CACNA1G: variants seen among roughly 807,000 people sequenced by gnomAD.
CACNA1G encodes calcium voltage-gated channel subunit alpha1 G, also known as voltage-dependent T-type calcium channel subunit alpha-1G.
In CACNA1G, 67 loss-of-function variants were observed where a neutral mutation model predicts 219.4. The ratio of observed to expected loss-of-function variants is 0.31; its 90% CI spans 0.25 to 0.37. The LOEUF (loss-of-function observed/expected upper bound fraction) is 0.37, where lower values mean the gene tolerates loss of function less well. Ranked by LOEUF, CACNA1G falls within the 10% of genes least tolerant of loss-of-function variation. CACNA1G has a pLI of 1.00. For missense variants in CACNA1G, 2,380 were observed against 3,231.4 expected, an observed-to-expected ratio of 0.74 and a Z score of 6.39; for synonymous variants, 1,296 against 1,345.3, an observed-to-expected ratio of 0.96 and a Z score of 0.80.
At chr17:50,620,095 T>G (rs1244525024) in intron 34 of CACNA1G, among the ~76,000 whole-genome samples, 1 of 150,872 alleles carries the variant, frequency 6.6e-6, no homozygotes, top group African/African-American at 2.4e-5. Context: ...GGAGAGGGGA[T>G]TTGTAAGAAT....
chr17:50,617,791 C>A lies in CACNA1G; in HGVS notation c.5156-68C>A. On this transcript the variant is annotated intron_variant, in intron 29 of 37. Coordinates refer to ENST00000359106, the MANE Select transcript of CACNA1G (RefSeq NM_018896.5). The surrounding 1 kb of genome is among the most constrained non-coding windows in gnomAD (Gnocchi z 5.8). ...CCAGCAGCCCCAGCCCAGCCCTGGT[C>A]CTGACTCTGCCAGCTGTCTGGCCGG... is the stretch of plus-strand genomic sequence containing the variant. 1 of 1,571,712 alleles carries A rather than the reference C, an allele frequency of 6.4e-7. No homozygotes were observed. The highest frequency in any genetic ancestry group is 1.1e-5 in the South Asian group (1 of 89,964).
At chr17:50,625,282 C>T (rs1340954810) in intron 37 of CACNA1G, among the ~76,000 whole-genome samples, 1 of 152,212 alleles carries the variant, frequency 6.6e-6, no homozygotes, top group Non-Finnish European at 1.5e-5. Context: ...GGCCACAGCC[C>T]ATGCCATGTG....
rs763932318 is a variant in CACNA1G, at chr17:50,607,022, G to A, written c.4512+33G>A. 6 of 1,530,540 alleles carry A rather than the reference G, an allele frequency of 3.9e-6. No homozygotes were observed. The Admixed American group carries it at 1.0e-4, about 26-fold the overall frequency. The allele number at this position is 1,530,540 out of a possible 1,614,324, so 94.8% of individuals were successfully genotyped here. On this transcript the variant is annotated intron_variant, in intron 24 of 37. Transcript: ENST00000359106. ...TGAGGTGGGCAGGATCCATCTGTGG[G>A]CTCAGGTCACTCAGCATGGGCTGAT...
rs1479671700 is a variant in CACNA1G at position 50,619,774 on chromosome 17, G to A, written c.5873G>A (p.Gly1958Asp). The A allele has an allele frequency of 1.1e-5, 17 of 1,607,482 alleles. No individual in the cohort carries two copies. The highest frequency in any genetic ancestry group is 1.1e-5 in the Non-Finnish European group (13 of 1,178,386). ...ATGGACGAGCTGGCAGGCCCAGGGG[G>A]CCAGCCCTCTGCCTTCCCTTCTGCC... Reference protein sequence around the residue: ...KLMDELAGPGGQPSAFPSAPS... With the variant: ...KLMDELAGPGDQPSAFPSAPS... The change falls in exon 34 of 38, where the codon GGC (glycine) becomes GAC (aspartate). Residue 1958 changes from glycine to aspartate, a missense_variant. This residue lies in a region of CACNA1G where 672 missense variants were observed against 670.5 expected (regional missense o/e 1.00). Coordinates refer to ENST00000359106, the MANE Select transcript of CACNA1G (RefSeq NM_018896.5).
rs765619900 is a variant in CACNA1G at position 50,621,796 on chromosome 17, T to C, written c.6060+2T>C. ...TTACTTAGTGCCCTGGAGAGCAATG[T>C]ACATACACACTGCCCTCACTGCTCC... On this transcript the variant is annotated splice_donor_variant, in intron 35 of 37. Coordinates refer to ENST00000359106, the MANE Select transcript of CACNA1G (RefSeq NM_018896.5). LOFTEE classifies it high-confidence loss of function. The surrounding 1 kb of genome is among the most constrained non-coding windows in gnomAD (Gnocchi z 4.6). 4 of 1,613,582 alleles carry C rather than the reference T, an allele frequency of 2.5e-6. No individual in the cohort carries two copies. The East Asian group carries it at 6.7e-5, about 27-fold the overall frequency.
In CACNA1G at chr17:50,621,327, C is replaced by A. The variant is rs1057443758; in HGVS notation, c.5926-333C>A. 2.6e-5 allele frequency among the ~76,000 whole-genome samples: 4 copies of A among 151,962 alleles called. No individual in the cohort carries two copies. Among genetic ancestry groups the A allele is most frequent in the African/African-American group, 9.7e-5 (4 of 41,370 alleles). On this transcript the variant is annotated intron_variant, in intron 34 of 37. Transcript: ENST00000359106. This position sits in a 1 kb window ranked among gnomAD's most constrained non-coding sequence, Gnocchi z 4.6. ...AAGCCCTCGGTCCTCCCGCTCCCTC[C>A]CTGGGTGGTGGTAGTGTGGGAGGGG...
At chr17:50,599,887 C>T in intron 17 of CACNA1G, 28 bp downstream of exon 17, 1 of 1,592,270 alleles carries the variant, frequency 6.3e-7, no homozygotes, top group East Asian at 2.2e-5. Flanking sequence ...ACAGTGACCC[C>T]TCACCCCTGA....
At chr17:50,579,655 G>A (rs1215619115) in intron 9 of CACNA1G, among the ~76,000 whole-genome samples, 1 of 152,160 alleles carries the variant, frequency 6.6e-6, no homozygotes, top group Non-Finnish European at 1.5e-5. Context: ...CCTCCCTGGG[G>A]TAGCACGGAG....
intron 13 of CACNA1G, among the ~76,000 whole-genome samples, chr17:50,593,684 C>T (rs554868003): frequency 6.6e-6 from 1 of 152,380 alleles, no homozygotes; most frequent in African/African-American, 2.4e-5. Flanking sequence ...CCCTCCCCAA[C>T]CTTCGCAGTA....
At position 50,600,997 on chromosome 17, in the gene CACNA1G, C is replaced by T. The variant is rs542105184; in HGVS notation, c.3792-54C>T. 8 of 1,600,130 alleles carry T rather than the reference C, an allele frequency of 5.0e-6. No individual in the cohort carries two copies. The highest frequency in any genetic ancestry group is 2.2e-5 in the East Asian group (1 of 44,596). ...GGCAGGGGCTGCGGGCGGTGCCTCT[C>T]GTTGCCACCTGCCCTGCCTCCCCCT... On this transcript the variant is annotated intron_variant, in intron 18 of 37. Transcript: ENST00000359106. The surrounding 1 kb of genome is among the most constrained non-coding windows in gnomAD (Gnocchi z 4.1).
chr17:50,561,331 G>C lies in CACNA1G; in HGVS notation c.-129G>C. 5.0e-6 allele frequency: 6 copies of C among 1,192,852 alleles called. No individual in the cohort carries two copies. The highest frequency in any genetic ancestry group is 7.0e-6 in the Non-Finnish European group (6 of 860,170). 73.9% of individuals were successfully genotyped at this position (1,192,852 alleles called of 1,614,324 possible). On this transcript the variant is annotated 5_prime_UTR_variant, in exon 1 of 38. Transcript: ENST00000359106. ...GCTGGGCTGAACTGGCCCTCCCGGG[G>C]GCTCAGCTTGCGCCCTAGAGCCCAC...
Position 50,596,417 on chromosome 17 carries a change from G to C in CACNA1G, c.2980-145G>C. ...TCGGGCCCCAAGCCTGGGGGGTCTG[G>C]CCTGCGCCGTGCATGTCTCGTGCCG... On this transcript the variant is annotated intron_variant, in intron 14 of 37. Transcript: ENST00000359106. The surrounding 1 kb of genome is among the most constrained non-coding windows in gnomAD (Gnocchi z 4.8). The C allele has an allele frequency of 2.9e-6, 2 of 689,092 alleles. No homozygotes were observed. The highest frequency in any genetic ancestry group is 2.6e-6 in the Non-Finnish European group (1 of 389,388). The allele number at this position is 689,092 out of a possible 1,614,324, so 42.7% of individuals were successfully genotyped here.
chr17:50,565,585 A>T (rs4794162), intron 1 of CACNA1G, among the ~76,000 whole-genome samples: 2 of 151,796 alleles, frequency 1.3e-5, no homozygotes, highest in Admixed American at 1.3e-4. Context: ...TTTTCTCCTC[A>T]ACGTTCCTTA....
intron 28 of CACNA1G, among the ~76,000 whole-genome samples, chr17:50,616,700 T>C (rs2146246357): frequency 6.6e-6 from 1 of 152,332 alleles, no homozygotes; most frequent in Middle Eastern, 3.4e-3. Flanking sequence ...TGAATCCTGG[T>C]CTCACCACTT....
rs1453110129 is a variant in CACNA1G at position 50,575,979 on chromosome 17, C to T, written c.1577C>T (p.Ala526Val). The T allele has an allele frequency of 6.4e-7, 1 of 1,552,710 alleles. No homozygotes were observed. Among genetic ancestry groups the T allele is most frequent in the Non-Finnish European group, 8.7e-7 (1 of 1,148,432 alleles). ...AGCCCGGAGATCCAGGACAGGGATG[C>T]CAATGGGTCCCGCCGGCTCATGCTG... ...RASPEIQDRD[A>V]NGSRRLMLPP... The change falls in exon 8 of 38, where the codon GCC (alanine) becomes GTC (valine). Residue 526 changes from alanine (A) to valine (V), a missense_variant. Ala to Val is a moderately conservative substitution (Grantham distance 64). Coordinates refer to ENST00000359106, the MANE Select transcript of CACNA1G (RefSeq NM_018896.5).
chr17:50,601,778 C>T (rs976283798), intron 19 of CACNA1G, among the ~76,000 whole-genome samples: 3 of 152,156 alleles, frequency 2.0e-5, no homozygotes, highest in East Asian at 3.9e-4. Flanking sequence ...TATAGCCCTT[C>T]GCTGTCGGCA....
Position 50,618,614 on chromosome 17 carries a change from C to T in CACNA1G, c.5428-41C>T. On this transcript the variant is annotated intron_variant, in intron 32 of 37. Transcript: ENST00000359106. This position sits in a 1 kb window ranked among gnomAD's most constrained non-coding sequence, Gnocchi z 5.3. ...TGATTTTCCACAACAGCTCCAACAA[C>T]TGTCCTCCCCAGCCTCACCCCTCTA... The T allele has an allele frequency of 6.8e-7, 1 of 1,465,326 alleles. No individual in the cohort carries two copies. The highest frequency in any genetic ancestry group is 9.5e-7 in the Non-Finnish European group (1 of 1,054,464). 90.8% of individuals were successfully genotyped at this position (1,465,326 alleles called of 1,614,324 possible). A position where few individuals can be genotyped will look rare whatever the true frequency, so the allele number is the denominator to read the frequency against.
At chr17:50,606,861 C>G in intron 23 of CACNA1G, 39 bp from the exon 24 acceptor site, 1 of 1,484,176 alleles carries the variant, frequency 6.7e-7, no homozygotes, top group Non-Finnish European at 9.4e-7. Flanking sequence ...AGCCACACAT[C>G]CTAGACTTCA....
chr17:50,614,481 A>G (rs2049989895), intron 26 of CACNA1G, among the ~76,000 whole-genome samples: 1 of 152,186 alleles, frequency 6.6e-6, no homozygotes, highest in Non-Finnish European at 1.5e-5. Flanking sequence ...CAGCACCTGG[A>G]AGAGGGCCCC....
Sources: gnomAD v4.1 joint callset for allele counts (sites outside exome capture counted in the v4.1 genomes callset) on GRCh38, gnomAD v4.1.1 for gene constraint, gnomAD v4.1.1 regional missense constraint, Gnocchi (gnomAD v3.1) non-coding constraint, MANE v1.5 for transcripts, NCBI Gene and HGNC (gene_info 2026-07-23, HGNC 2026-07-21) for gene names.